The following NEDD4L variants were observed in gnomAD, a reference collection of about 807,000 sequenced individuals.
NEDD4L encodes the protein NEDD4 like E3 ubiquitin protein ligase.
Under a neutral mutation model 148.9 loss-of-function variants are expected in NEDD4L, and 54 were observed. The observed-to-expected ratio is 0.36, with a 90% confidence interval of 0.29 to 0.45. The LOEUF is 0.45. Among genes scored for constraint, NEDD4L ranks in the 20% least tolerant of loss-of-function variants. The pLI is 1.00. For synonymous variants in NEDD4L, 433 were observed against 440.7 expected (o/e 0.98, Z 0.22); for missense variants, 856 against 1,233.8 (o/e 0.69, Z 4.59).
intron 2 of NEDD4L, among the ~76,000 whole-genome samples, chr18:58,171,800 C>T (rs2037540063): frequency 6.6e-6 from 1 of 152,152 alleles, no homozygotes; most frequent in Non-Finnish European, 1.5e-5. Flanking sequence ...TCTTTGTGGA[C>T]CAGCACAGGA....
At chr18:58,092,231 C>T (rs559468176) in intron 1 of NEDD4L, among the ~76,000 whole-genome samples, 3 of 152,156 alleles carry the variant, frequency 2.0e-5, no homozygotes, top group Admixed American at 1.3e-4. Context: ...TTGGCAACGT[C>T]GGAGATAAAG....
intron 1 of NEDD4L, among the ~76,000 whole-genome samples, chr18:58,089,486 A>G (rs1490917666): frequency 6.6e-6 from 1 of 152,152 alleles, no homozygotes; most frequent in Non-Finnish European, 1.5e-5. Flanking sequence ...GGCACGTATA[A>G]CTAATGTGAG....
At chr18:58,251,893 C>T in intron 4 of NEDD4L, 108 bp from the exon 5 acceptor site, 4 of 685,270 alleles carry the variant, frequency 5.8e-6, no homozygotes, top group South Asian at 5.2e-5. Flanking sequence ...TCATATTATA[C>T]AATTGAGTTG....
rs753835514 is a variant in NEDD4L at position 58,390,739 on chromosome 18, T to C, written c.2749T>C (p.Tyr917His). ...ACCTATGAATGGATTTGCCGAACTT[T>C]ATGGTGAGCAGGATACCATTGGATT... Reference protein sequence around the residue: ...RVPMNGFAELYGSNGPQLFTI... With the variant: ...RVPMNGFAELHGSNGPQLFTI... Residue 917 changes from tyrosine (Y) to histidine (H), a missense_variant, in exon 29 of 31, where the codon TAT becomes CAT. By Grantham distance (83) the Tyr-to-His change is moderately conservative. Transcript: ENST00000400345. 2 of 1,587,350 alleles carry C rather than the reference T, an allele frequency of 1.3e-6. No individual in the cohort carries two copies. The highest frequency in any genetic ancestry group is 1.3e-5 in the African/African-American group (1 of 74,542).
Position 58,256,600 on chromosome 18 carries a change from G to A in NEDD4L, c.297+4546G>A, listed in dbSNP as rs138994978. On this transcript the variant is annotated intron_variant, in intron 5 of 30. Transcript: ENST00000400345. The surrounding 1 kb of genome is among the most constrained non-coding windows in gnomAD (Gnocchi z 5.2). ...GGATGGCTCCTGAAATCCGCAGGAC[G>A]AACTCCGCGGAGAGGACTCCGCAGG... 925 of 1,232,260 alleles carry A rather than the reference G, an allele frequency of 7.5e-4. 19 individuals are homozygous for A. In the East Asian group the frequency reaches 0.029, roughly 39 times the overall value. The allele number at this position is 1,232,260 out of a possible 1,614,324, so 76.3% of individuals were successfully genotyped here.
At chr18:58,389,005 C>A in intron 27 of NEDD4L, 80 bp from the exon 28 acceptor site, 1 of 1,095,354 alleles carries the variant, frequency 9.1e-7, no homozygotes, top group Non-Finnish European at 1.4e-6. Context: ...CACATGCTGG[C>A]ACTGAGGGTG....
At chr18:58,047,128 G>T (rs760709661) in intron 1 of NEDD4L, 3 of 428,502 alleles carry the variant, frequency 7.0e-6, no homozygotes, top group Non-Finnish European at 9.3e-6. Flanking sequence ...TAGAATGCCC[G>T]CTGAAGCAAA....
chr18:58,060,066 G>A (rs1041710110), intron 1 of NEDD4L, among the ~76,000 whole-genome samples: 3 of 149,262 alleles, frequency 2.0e-5, no homozygotes, highest in Non-Finnish European at 4.4e-5. Context: ...CAAGCAGTCC[G>A]GTTGTAGACA....
At chr18:58,349,667 C>G in intron 17 of NEDD4L, 53 bp downstream of exon 17, 4 of 1,397,382 alleles carry the variant, frequency 2.9e-6, no homozygotes, top group Non-Finnish European at 4.1e-6. Context: ...TTCCTTTATC[C>G]GCTCAATGTT....
intron 2 of NEDD4L, among the ~76,000 whole-genome samples, chr18:58,169,727 A>C (rs1224988665): frequency 6.6e-6 from 1 of 152,142 alleles, no homozygotes; most frequent in African/African-American, 2.4e-5. Flanking sequence ...CCCTTTCCCA[A>C]GGACGTACTC....
intron 1 of NEDD4L, among the ~76,000 whole-genome samples, chr18:58,077,175 T>C (rs948542003): frequency 1.6e-5 from 2 of 125,900 alleles, no homozygotes; most frequent in Non-Finnish European, 3.4e-5. Context: ...TTTTTTTTTT[T>C]TTTTTTTTTT....
chr18:58,135,537 T>C (rs554757993), intron 1 of NEDD4L, among the ~76,000 whole-genome samples: 2 of 152,326 alleles, frequency 1.3e-5, no homozygotes, highest in South Asian at 2.1e-4. Context: ...GAAAAATCAC[T>C]TTCTTCTTCT....
intron 25 of NEDD4L, among the ~76,000 whole-genome samples, chr18:58,384,868 G>T (rs989227621): frequency 4.6e-5 from 7 of 152,216 alleles, no homozygotes; most frequent in African/African-American, 1.4e-4. Flanking sequence ...ATGACATCCA[G>T]AGTACATTTG....
intron 5 of NEDD4L, among the ~76,000 whole-genome samples, chr18:58,311,795 C>T (rs1004978142): frequency 3.9e-5 from 6 of 152,198 alleles, no homozygotes; most frequent in African/African-American, 1.4e-4. Flanking sequence ...CTAAGCCTGG[C>T]GTCCACGTCA....
chr18:58,168,174 C>G (rs2037108727), intron 2 of NEDD4L, among the ~76,000 whole-genome samples: 1 of 152,152 alleles, frequency 6.6e-6, no homozygotes. Context: ...AACTCTGAAT[C>G]CTGCTTCTGG....
At chr18:58,153,334 CT>C (rs58164854) in intron 1 of NEDD4L, among the ~76,000 whole-genome samples, 34,685 of 128,172 alleles carry the variant, frequency 0.27, 4,423 homozygotes, top group Middle Eastern at 0.41. Flanking sequence ...AAGAGATTGA[CT>C]TTTTTTTTTT....
At chr18:58,306,055 A>G (rs1397330592) in intron 5 of NEDD4L, among the ~76,000 whole-genome samples, 2 of 152,224 alleles carry the variant, frequency 1.3e-5, no homozygotes, top group Non-Finnish European at 2.9e-5. Flanking sequence ...TTCTTTGGAA[A>G]GGCAGGGATG....
intron 1 of NEDD4L, among the ~76,000 whole-genome samples, chr18:58,132,546 A>C (rs1242747712): frequency 6.6e-6 from 1 of 152,196 alleles, no homozygotes; most frequent in East Asian, 1.9e-4. Flanking sequence ...GAATGCTCTT[A>C]GCAAGTTGAT....
At chr18:58,357,161 C>A (rs759589065) in intron 18 of NEDD4L, 33 bp from the exon 19 acceptor site, 2 of 1,283,366 alleles carry the variant, frequency 1.6e-6, no homozygotes, top group Admixed American at 3.8e-5. Context: ...AACTAATGTT[C>A]TGATTTTTTT....
Sources: gnomAD v4.1 joint callset for allele counts (sites outside exome capture counted in the v4.1 genomes callset) on GRCh38, gnomAD v4.1.1 for gene constraint, Gnocchi (gnomAD v3.1) non-coding constraint, MANE v1.5 for transcripts, NCBI Gene and HGNC (gene_info 2026-07-23, HGNC 2026-07-21) for gene names.